SKA3: variants seen among roughly 807,000 people sequenced by gnomAD.
SKA3 encodes spindle and kinetochore-associated protein 3.
In SKA3, 39 loss-of-function variants were observed where a neutral mutation model predicts 44.2. The observed-to-expected ratio is 0.88, with a 90% CI of 0.68 to 1.15. The LOEUF is 1.15. Ranked by LOEUF, SKA3 falls within the 50% of genes most tolerant of loss-of-function variation. SKA3 has a pLI of 0.00. For missense variants in SKA3, 511 were observed against 485.8 expected (o/e 1.05, Z -0.49); for synonymous variants, 192 against 172.0 (o/e 1.12, Z -0.91).
At chr13:21,174,767 C>CCAACAA (rs60501469) in intron 1 of SKA3, among the ~76,000 whole-genome samples, 9,472 of 150,722 alleles carry the variant, frequency 0.063, 382 homozygotes, top group Middle Eastern at 0.088. Context: ...GCGTACTGCT[C>CCAACAA]CAACAACAAC....
rs1870028430 is a variant in SKA3, at chr13:21,155,056, G to A, written c.*94C>T. The A allele has an allele frequency of 1.3e-6, 2 of 1,588,004 alleles. No homozygotes were observed. The highest frequency in any genetic ancestry group is 1.7e-6 in the Non-Finnish European group (2 of 1,163,714). ...TAAAATGGGTCAACGTTTAAAGGGGGACAGAGGCAGGGCAATGTGAATGTT... is the reference window on the plus strand; with the variant it reads ...TAAAATGGGTCAACGTTTAAAGGGGAACAGAGGCAGGGCAATGTGAATGTT... On this transcript the variant is annotated 3_prime_UTR_variant, in exon 9 of 9. Transcript: ENST00000314759.
In SKA3 at chr13:21,175,127, T is replaced by C. The variant is rs1351506459; in HGVS notation, c.103+1248A>G. ...AGTAGCTGGGATTACAGGCGCCCAC[T>C]ACTATGCCCAGCTAATTGTTTTGTA... On this transcript the variant is annotated intron_variant, in intron 1 of 8. Transcript: ENST00000314759. Among the ~76,000 whole-genome samples, 1,269 of 146,460 alleles carry C rather than the reference T, an allele frequency of 8.7e-3. 22 individuals are homozygous for C. The highest frequency in any genetic ancestry group is 0.03 in the African/African-American group (1,172 of 38,744).
intron 8 of SKA3, 137 bp from the exon 9 acceptor site, chr13:21,155,287 A>G (rs373941120): frequency 1.4e-5 from 9 of 655,860 alleles, no homozygotes; most frequent in African/African-American, 1.1e-4. Context: ...ATTAAACTGG[A>G]TAATTCGGGA....
intron 4 of SKA3, among the ~76,000 whole-genome samples, chr13:21,162,670 T>C (rs1870502897): frequency 6.6e-6 from 1 of 152,210 alleles, no homozygotes; most frequent in Non-Finnish European, 1.5e-5. Flanking sequence ...TGTGAGCCAC[T>C]ACACCTGGTC....
chr13:21,176,285 C>T, intron 1 of SKA3, 90 bp downstream of exon 1: 3 of 1,002,852 alleles, frequency 3.0e-6, no homozygotes, highest in South Asian at 2.1e-5. Flanking sequence ...CAGTGCCTGG[C>T]GGTTCCCGTG....
At chr13:21,156,085 G>T (rs544958969) in intron 7 of SKA3, among the ~76,000 whole-genome samples, 2 of 151,658 alleles carry the variant, frequency 1.3e-5, no homozygotes, top group East Asian at 3.9e-4. Flanking sequence ...TACTCAGGAG[G>T]CTGAGGCCCA....
Position 21,158,081 on chromosome 13 carries a change from A to AT in SKA3, c.959dup (p.Asn320LysfsTer2). On this transcript the variant is annotated frameshift_variant, in exon 7 of 9. Coordinates refer to ENST00000314759, the MANE Select transcript of SKA3 (RefSeq NM_145061.6). LOFTEE classifies it high-confidence loss of function. The stretch of plus-strand genomic sequence containing the variant: ...AAGTACGATCTTCAACTTCCAAATC[A>AT]TTTGATGAACTATTTGTTTTTGATA... 6.2e-7 allele frequency: 1 copy of AT among 1,612,684 alleles called. No individual in the cohort carries two copies. The highest frequency in any genetic ancestry group is 8.5e-7 in the Non-Finnish European group (1 of 1,178,800).
intron 5 of SKA3, among the ~76,000 whole-genome samples, chr13:21,160,189 T>C (rs982760906): frequency 2.6e-5 from 4 of 152,208 alleles, no homozygotes; most frequent in African/African-American, 9.6e-5. Context: ...CACATATAAT[T>C]TGAAAAAAGA....
chr13:21,173,536 C>T (rs888541188), intron 1 of SKA3, among the ~76,000 whole-genome samples: 12 of 152,164 alleles, frequency 7.9e-5, no homozygotes, highest in African/African-American at 2.9e-4. Flanking sequence ...GGATTATAGG[C>T]GTGAGCCACT....
chr13:21,155,020 A>C lies in SKA3; in HGVS notation c.*130T>G, dbSNP rs1870025120. 2 of 1,431,196 alleles carry C rather than the reference A, an allele frequency of 1.4e-6. No individual in the cohort carries two copies. Among genetic ancestry groups the C allele is most frequent in the Non-Finnish European group, 9.7e-7 (1 of 1,034,944 alleles). 88.7% of individuals were successfully genotyped at this position (1,431,196 alleles called of 1,614,324 possible). Reference sequence around the variant, plus strand: ...AAAGCATATTATGATGTTAATGTTCATGTTTGTCTTTAAAATGGGTCAACG... The same window carrying C: ...AAAGCATATTATGATGTTAATGTTCCTGTTTGTCTTTAAAATGGGTCAACG... On this transcript the variant is annotated 3_prime_UTR_variant, in exon 9 of 9. Transcript: ENST00000314759.
At position 21,168,203 on chromosome 13, in the gene SKA3, T is replaced by C; in HGVS notation, c.528A>G (p.Pro176=). ...YIVSQVLPNP[P]QAVNNYKEEP... ...CTTCCTTATAGTTGTTCACTGCCTG[T>C]GGAGGGTTTGGTAGAACTTGGGATA... The change falls in exon 4 of 9, where the codon CCA becomes CCG. Residue 176 remains proline, a synonymous_variant. Transcript: ENST00000314759. The C allele has an allele frequency of 6.2e-7, 1 of 1,614,116 alleles. No homozygotes were observed. The highest frequency in any genetic ancestry group is 8.5e-7 in the Non-Finnish European group (1 of 1,179,986).
chr13:21,168,278 C>T lies in SKA3; in HGVS notation c.453G>A (p.Lys151=), dbSNP rs1028651903. Residue 151 remains lysine, a synonymous_variant, in exon 4 of 9, where the codon AAG becomes AAA. Transcript: ENST00000314759. ...PPVASSCISE[K]SPRSPQLSDF... is the part of the protein sequence containing the mutation. ...CTGAAAGTTGTGGACTACGTGGAGA[C>T]TTCTCAGAAATACAACTGCTTGCAA... 6.2e-7 allele frequency: 1 copy of T among 1,614,188 alleles called. No homozygotes were observed. The highest frequency in any genetic ancestry group is 8.5e-7 in the Non-Finnish European group (1 of 1,180,040).
intron 1 of SKA3, among the ~76,000 whole-genome samples, chr13:21,173,145 T>C (rs980798915): frequency 7.0e-6 from 1 of 142,430 alleles, no homozygotes; most frequent in Non-Finnish European, 1.5e-5. Context: ...AAAATGAGCA[T>C]ACCTGCACAA....
intron 5 of SKA3, among the ~76,000 whole-genome samples, chr13:21,161,430 G>T (rs902039468): frequency 3.3e-5 from 5 of 152,066 alleles, no homozygotes; most frequent in African/African-American, 1.2e-4. Context: ...AATTTAAATT[G>T]GCAGCTGATG....
intron 1 of SKA3, among the ~76,000 whole-genome samples, chr13:21,172,969 A>G (rs191225229): frequency 2.4e-3 from 368 of 152,316 alleles, no homozygotes; most frequent in African/African-American, 8.6e-3. Flanking sequence ...CTAGGTATGC[A>G]GTAGGTCATA....
At chr13:21,173,642 C>T (rs1018137309) in intron 1 of SKA3, among the ~76,000 whole-genome samples, 3 of 152,176 alleles carry the variant, frequency 2.0e-5, no homozygotes, top group Non-Finnish European at 4.4e-5. Context: ...TACTCTTTTG[C>T]GACTGGCTTC....
In SKA3 at chr13:21,176,489, C is replaced by A. The variant is rs1297073318; in HGVS notation, c.-12G>T. On this transcript the variant is annotated 5_prime_UTR_variant, in exon 1 of 9. Transcript: ENST00000314759. ...CGGATAGGGTCCATGCTGAGCACAG[C>A]GGGGAAGGACTCCAGGCGTACGCAG... is the stretch of plus-strand genomic sequence containing the variant. The A allele has an allele frequency of 6.6e-7, 1 of 1,508,544 alleles. No individual in the cohort carries two copies. 93.4% of individuals were successfully genotyped at this position (1,508,544 alleles called of 1,614,324 possible). A position where few individuals can be genotyped will look rare whatever the true frequency, so the allele number is the denominator to read the frequency against.
At chr13:21,157,547 T>C (rs1345643260) in intron 7 of SKA3, among the ~76,000 whole-genome samples, 1 of 152,194 alleles carries the variant, frequency 6.6e-6, no homozygotes, top group East Asian at 1.9e-4. Context: ...TTGACCAAAA[T>C]GTTATGCAGC....
chr13:21,159,034 A>G (rs936891479), intron 6 of SKA3, among the ~76,000 whole-genome samples: 4 of 152,210 alleles, frequency 2.6e-5, no homozygotes, highest in African/African-American at 9.6e-5. Context: ...GCACTGTCCA[A>G]TATAGTAGCC....
Sources: gnomAD v4.1 joint callset for allele counts (sites outside exome capture counted in the v4.1 genomes callset) on GRCh38, gnomAD v4.1.1 for gene constraint, MANE v1.5 for transcripts, NCBI Gene and HGNC (gene_info 2026-07-23, HGNC 2026-07-21) for gene names.